The following GPHN variants were observed in gnomAD, a reference collection of about 807,000 sequenced individuals.
The protein encoded by GPHN is gephyrin.
In GPHN, 17 loss-of-function variants were observed where a neutral mutation model predicts 95.5. The observed-to-expected ratio is 0.18, with a 90% CI of 0.12 to 0.27. The LOEUF (loss-of-function observed/expected upper bound fraction) is 0.27, where lower values mean the gene tolerates loss of function less well. GPHN is among the 10% of genes least tolerant of loss of function. The pLI is 1.00. For missense variants in GPHN, 660 were observed against 978.1 expected, an observed-to-expected ratio of 0.67 and a Z score of 4.34; for synonymous variants, 320 against 322.5, an observed-to-expected ratio of 0.99 and a Z score of 0.08.
At chr14:67,323,295 C>G in the GPHN span, among the ~76,000 whole-genome samples, 1 of 146,572 alleles carries the variant, frequency 6.8e-6, no homozygotes, top group Non-Finnish European at 1.5e-5. Flanking sequence ...TATATTCTTA[C>G]AGTGAATGGT....
chr14:67,656,360 G>C, the GPHN span: 6 of 1,463,168 alleles, frequency 4.1e-6, no homozygotes, highest in Non-Finnish European at 5.5e-6. Flanking sequence ...GTTTCCAGGT[G>C]CAGTGGCCCC....
chr14:67,023,495 T>C lies in GPHN; in HGVS notation c.964-138T>C, dbSNP rs563893716. 3 of 628,932 alleles carry C rather than the reference T, an allele frequency of 4.8e-6. No homozygotes were observed. The East Asian group carries it at 8.3e-5, about 17-fold the overall frequency. 39.0% of individuals were successfully genotyped at this position (628,932 alleles called of 1,614,324 possible). The stretch of plus-strand genomic sequence containing the variant: ...AAAGATGAAACAAGTATAACATTTT[T>C]ACTAACATGTTATGACATCTGAAAT... On this transcript the variant is annotated intron_variant, in intron 9 of 22. Coordinates refer to ENST00000478722, the MANE Select transcript of GPHN (RefSeq NM_020806.5).
At chr14:66,601,739 G>GA (rs11430733) in intron 1 of GPHN, among the ~76,000 whole-genome samples, 47,043 of 151,452 alleles carry the variant, frequency 0.31, 11,153 homozygotes, top group African/African-American at 0.64. Flanking sequence ...TTTTGTGGGA[G>GA]AAAAAATTGT....
chr14:67,425,848 T>C, the GPHN span, among the ~76,000 whole-genome samples: 4 of 152,098 alleles, frequency 2.6e-5, no homozygotes, highest in African/African-American at 9.6e-5. Flanking sequence ...GATAGTATCC[T>C]GAGAGCCAGC....
At chr14:67,009,780 C>G (rs2064489) in intron 9 of GPHN, among the ~76,000 whole-genome samples, 49,520 of 151,806 alleles carry the variant, frequency 0.33, 12,870 homozygotes, top group African/African-American at 0.7. Context: ...TTTCGTTTCT[C>G]TTTTTGTTTT....
intron 10 of GPHN, among the ~76,000 whole-genome samples, chr14:67,051,697 G>C (rs938296209): frequency 1.3e-5 from 2 of 152,076 alleles, no homozygotes; most frequent in Admixed American, 1.3e-4. Flanking sequence ...AAAGTATTAA[G>C]GGCAGCCAGA....
the GPHN span, among the ~76,000 whole-genome samples, chr14:67,603,640 A>G: frequency 1.3e-5 from 2 of 152,200 alleles, no homozygotes; most frequent in Admixed American, 1.3e-4. Context: ...GGCATGAGCC[A>G]CTGCACCCAG....
chr14:66,760,880 A>T, intron 2 of GPHN: 1 of 912,876 alleles, frequency 1.1e-6, no homozygotes. Flanking sequence ...AAAAAGAGCG[A>T]CAGAAAGTTC....
At chr14:67,203,189 T>A in the GPHN span, 1 of 1,613,834 alleles carries the variant, frequency 6.2e-7, no homozygotes, top group South Asian at 1.1e-5. Flanking sequence ...AGATCCCCAA[T>A]GTGATGCTAC....
the GPHN span, chr14:67,733,744 A>G: frequency 1.2e-6 from 2 of 1,608,192 alleles, no homozygotes; most frequent in Admixed American, 1.7e-5. Context: ...TCTGCCCTCC[A>G]GTGACTGCAA....
At chr14:67,592,427 G>T in the GPHN span, 1 of 531,144 alleles carries the variant, frequency 1.9e-6, no homozygotes, top group African/African-American at 1.9e-5. Context: ...GACAAAGTGA[G>T]ACTCTGTCTC....
chr14:66,681,589 A>G (rs990097246), intron 2 of GPHN, among the ~76,000 whole-genome samples: 2 of 152,140 alleles, frequency 1.3e-5, no homozygotes, highest in Admixed American at 6.5e-5. Flanking sequence ...TATTTGTTAT[A>G]ACAATATACA....
intron 1 of GPHN, among the ~76,000 whole-genome samples, chr14:66,609,627 T>A (rs1303137423): frequency 6.6e-6 from 1 of 152,148 alleles, no homozygotes; most frequent in Non-Finnish European, 1.5e-5. Flanking sequence ...TTTTCATTTT[T>A]AAAATATTCT....
At chr14:67,392,785 G>T in the GPHN span, 2 of 1,613,946 alleles carry the variant, frequency 1.2e-6, no homozygotes, top group Non-Finnish European at 1.7e-6. Context: ...TGGAGGCCAG[G>T]GTCACCGCCT....
intron 1 of GPHN, among the ~76,000 whole-genome samples, chr14:66,570,364 G>GTGCAATCTCTGCTCAC (rs1205137111): frequency 2.0e-5 from 3 of 148,610 alleles, no homozygotes; most frequent in Non-Finnish European, 4.4e-5. Context: ...GAGTGCAGTG[G>GTGCAATCTCTGCTCAC]TGCAATCTCT....
chr14:67,635,047 C>T, the GPHN span, among the ~76,000 whole-genome samples: 5 of 152,192 alleles, frequency 3.3e-5, no homozygotes, highest in African/African-American at 1.2e-4. Flanking sequence ...GGGTTTGAGA[C>T]CAGCCTCGGT....
the GPHN span, among the ~76,000 whole-genome samples, chr14:67,687,874 C>A: frequency 2.0e-5 from 3 of 151,708 alleles, no homozygotes; most frequent in Non-Finnish European, 4.4e-5. Flanking sequence ...CAGGTTCAGG[C>A]GATTCTCCTG....
At chr14:67,502,529 T>A in the GPHN span, among the ~76,000 whole-genome samples, 1 of 147,342 alleles carries the variant, frequency 6.8e-6, no homozygotes, top group Non-Finnish European at 1.5e-5. Flanking sequence ...CTCAGCTCAC[T>A]GCAACCTCCG....
the GPHN span, among the ~76,000 whole-genome samples, chr14:67,565,267 G>A: frequency 2.6e-5 from 4 of 151,440 alleles, no homozygotes; most frequent in East Asian, 3.9e-4. Context: ...CTTGAGAGAC[G>A]GTGTCTTGCT....
Sources: allele counts gnomAD v4.1 joint callset (sites outside exome capture counted in the v4.1 genomes callset), GRCh38; gene constraint gnomAD v4.1.1; transcripts MANE v1.5; gene names NCBI Gene and HGNC (gene_info 2026-07-23, HGNC 2026-07-21).